ANAPC5: variants seen among roughly 807,000 people sequenced by gnomAD.
The protein encoded by ANAPC5 is anaphase promoting complex subunit 5.
In ANAPC5, 60 loss-of-function variants were observed where a neutral mutation model predicts 91.3. That is an observed-to-expected ratio of 0.66 (90% CI 0.53 to 0.81). ANAPC5 has a LOEUF of 0.81. Ranked by LOEUF, ANAPC5 falls within the 40% of genes least tolerant of loss-of-function variation. The pLI is 0.00. For synonymous variants in ANAPC5, 340 were observed against 364.1 expected (o/e 0.93, Z 0.75); for missense variants, 690 against 931.5 (o/e 0.74, Z 3.37).
At chr12:121,347,602 G>A (rs1566198558) in intron 2 of ANAPC5, 200 bp downstream of exon 2, 8 of 566,004 alleles carry the variant, frequency 1.4e-5, no homozygotes, top group Non-Finnish European at 1.9e-5. Flanking sequence ...TTGTACTCCA[G>A]CCTGGGCAAC....
At position 121,308,363 on chromosome 12, in the gene ANAPC5, G is replaced by T; in HGVS notation, c.*117C>A. ...GCAACAAAATAAGACAAACTAATCA[G>T]AATGCTGTTTATTGACAAGATAGGG... On this transcript the variant is annotated 3_prime_UTR_variant, in exon 17 of 17. Transcript: ENST00000261819. 2 of 779,162 alleles carry T rather than the reference G, an allele frequency of 2.6e-6. No individual in the cohort carries two copies. The highest frequency in any genetic ancestry group is 4.2e-6 in the Non-Finnish European group (2 of 481,920). The allele number at this position is 779,162 out of a possible 1,614,324, so 48.3% of individuals were successfully genotyped here. A position where few individuals can be genotyped will look rare whatever the true frequency, so the allele number is the denominator to read the frequency against.
Position 121,335,742 on chromosome 12 carries a change from A to C in ANAPC5, c.760-19T>G. Reference sequence around the variant, plus strand: ...GATAATGCTAAAACAAGAAATAATCAATGTATTTTAAACGCTGTAAATATC... The same window carrying C: ...GATAATGCTAAAACAAGAAATAATCCATGTATTTTAAACGCTGTAAATATC... On this transcript the variant is annotated intron_variant, in intron 6 of 16. Transcript: ENST00000261819. 1 of 1,593,846 alleles carries C rather than the reference A, an allele frequency of 6.3e-7. No individual in the cohort carries two copies. The highest frequency in any genetic ancestry group is 8.6e-7 in the Non-Finnish European group (1 of 1,164,612).
At chr12:121,347,734 A>G in intron 2 of ANAPC5, 68 bp downstream of exon 2, 3 of 1,232,970 alleles carry the variant, frequency 2.4e-6, no homozygotes, top group South Asian at 2.4e-5. Context: ...ATTAACTACC[A>G]CATACCCTTT....
intron 4 of ANAPC5, among the ~76,000 whole-genome samples, chr12:121,345,397 C>T (rs1394922257): frequency 1.3e-5 from 2 of 152,090 alleles, no homozygotes; most frequent in Admixed American, 6.5e-5. Flanking sequence ...GATCAATTGA[C>T]AAAAGTAGGG....
At chr12:121,313,799 G>A (rs1240168665) in intron 15 of ANAPC5, among the ~76,000 whole-genome samples, 1 of 152,160 alleles carries the variant, frequency 6.6e-6, no homozygotes, top group Non-Finnish European at 1.5e-5. Flanking sequence ...CTGCTTCACT[G>A]GTGAATTTTA....
intron 11 of ANAPC5, among the ~76,000 whole-genome samples, chr12:121,324,499 A>C (rs1654754178): frequency 6.6e-6 from 1 of 152,182 alleles, no homozygotes; most frequent in African/African-American, 2.4e-5. Flanking sequence ...TGGAATTATT[A>C]ATATAGACCC....
intron 5 of ANAPC5, among the ~76,000 whole-genome samples, chr12:121,341,187 G>A (rs2136808003): frequency 6.6e-6 from 1 of 151,588 alleles, no homozygotes; most frequent in Admixed American, 6.6e-5. Context: ...AAAAAGAAAT[G>A]TTTGGGGCAC....
rs369413518 is a variant in ANAPC5 at position 121,339,696 on chromosome 12, T to C, written c.658-2304A>G. Among the ~76,000 whole-genome samples, 3 of 152,256 alleles carry C rather than the reference T, an allele frequency of 2.0e-5. No homozygotes were observed. The East Asian group carries it at 5.8e-4, about 30-fold the overall frequency. On this transcript the variant is annotated intron_variant, in intron 5 of 16. Transcript: ENST00000261819. Reference sequence around the variant, plus strand: ...GTTGGTCAGGCTGGTCTCGAACTCCTGACCTCAAATGATCCACCCGCCTTG... The same window carrying C: ...GTTGGTCAGGCTGGTCTCGAACTCCCGACCTCAAATGATCCACCCGCCTTG...
intron 15 of ANAPC5, among the ~76,000 whole-genome samples, chr12:121,310,791 G>A (rs890445283): frequency 2.6e-5 from 4 of 151,726 alleles, no homozygotes; most frequent in Non-Finnish European, 5.9e-5. Context: ...AAAATTAGCT[G>A]GGCATAGTGG....
intron 11 of ANAPC5, among the ~76,000 whole-genome samples, chr12:121,325,685 G>C (rs1179714939): frequency 2.6e-5 from 4 of 151,822 alleles, no homozygotes; most frequent in African/African-American, 9.7e-5. Context: ...TGGCCAACAT[G>C]GTGAAACCTC....
chr12:121,345,812 G>A (rs781839878), intron 4 of ANAPC5, 27 bp downstream of exon 4: 2 of 1,587,992 alleles, frequency 1.3e-6, no homozygotes, highest in Non-Finnish European at 1.7e-6. Context: ...CACAGGAAAA[G>A]GATCCCTGTC....
intron 9 of ANAPC5, among the ~76,000 whole-genome samples, chr12:121,329,685 G>A (rs149213493): frequency 0.018 from 2,711 of 149,532 alleles, 31 homozygotes; most frequent in Non-Finnish European, 0.028. Context: ...GCACAATCTC[G>A]GCTCACTGCA....
intron 16 of ANAPC5, among the ~76,000 whole-genome samples, 178 bp from the exon 17 acceptor site, chr12:121,308,869 C>T (rs992098615): frequency 6.6e-6 from 1 of 152,200 alleles, no homozygotes; most frequent in African/African-American, 2.4e-5. Context: ...GTCTTTAAGA[C>T]TGGGCGAAGT....
At position 121,341,991 on chromosome 12, in the gene ANAPC5, G is replaced by C; in HGVS notation, c.657+12C>G. 1.9e-6 allele frequency: 3 copies of C among 1,599,500 alleles called. No homozygotes were observed. Among genetic ancestry groups the C allele is most frequent in the Non-Finnish European group, 1.7e-6 (2 of 1,170,676 alleles). ...GAACAGAAGTTCATGATAAATTACA[G>C]AATTCACATACCTGTTGAGAAAGAA... is the stretch of plus-strand genomic sequence containing the variant. On this transcript the variant is annotated intron_variant, in intron 5 of 16. Transcript: ENST00000261819.
chr12:121,319,942 G>A (rs1376040620), intron 12 of ANAPC5, 124 bp from the exon 13 acceptor site: 2 of 1,006,408 alleles, frequency 2.0e-6, no homozygotes, highest in African/African-American at 1.7e-5. Flanking sequence ...TCTTTTTTGG[G>A]GGGATTTAAA....
At chr12:121,339,924 T>C (rs1903381948) in intron 5 of ANAPC5, among the ~76,000 whole-genome samples, 2 of 144,118 alleles carry the variant, frequency 1.4e-5, no homozygotes, top group Admixed American at 1.4e-4. Flanking sequence ...TGGCCCAGGC[T>C]GGAGTGCAGT....
intron 15 of ANAPC5, among the ~76,000 whole-genome samples, chr12:121,311,625 G>A (rs1396151875): frequency 6.6e-6 from 1 of 152,124 alleles, no homozygotes; most frequent in Non-Finnish European, 1.5e-5. Context: ...TTGAGACCAG[G>A]AGTTTGAGAC....
chr12:121,333,906 T>C (rs371719600), intron 7 of ANAPC5: 1 of 152,170 alleles, frequency 6.6e-6, no homozygotes, highest in East Asian at 1.9e-4. Context: ...ACTTATATGA[T>C]ATGGCTTTGA....
chr12:121,314,061 C>G (rs1256487848), intron 15 of ANAPC5, among the ~76,000 whole-genome samples: 1 of 152,076 alleles, frequency 6.6e-6, no homozygotes, highest in Non-Finnish European at 1.5e-5. Flanking sequence ...GAAATTTACT[C>G]CAGGAATGCA....
Sources: gnomAD v4.1 joint callset for allele counts (sites outside exome capture counted in the v4.1 genomes callset) on GRCh38, gnomAD v4.1.1 for gene constraint, MANE v1.5 for transcripts, NCBI Gene and HGNC (gene_info 2026-07-23, HGNC 2026-07-21) for gene names.